Variants in EYS observed in about 807,000 individuals in gnomAD.
EYS encodes the protein EGF-like photoreceptor maintenance factor, also known as protein eyes shut homolog.
In EYS, 250 loss-of-function variants were observed where a neutral mutation model predicts 282.1. The ratio of observed to expected loss-of-function variants is 0.89; its 90% CI spans 0.80 to 0.98. EYS has a LOEUF of 0.98. Among genes scored for constraint, EYS ranks in the 50% least tolerant of loss-of-function variants. The probability of loss-of-function intolerance (pLI) is 0.00; values close to 1 mark genes in which losing one functional copy is unlikely to be tolerated. For synonymous variants in EYS, 1,355 were observed against 1,282.9 expected (o/e 1.06, Z -1.20); for missense variants, 4,016 against 3,709.0 (o/e 1.08, Z -2.15).
chr6:65,633,857 T>C (rs1291909251), intron 2 of EYS, among the ~76,000 whole-genome samples: 2 of 152,222 alleles, frequency 1.3e-5, no homozygotes, highest in Non-Finnish European at 2.9e-5. Flanking sequence ...TATGGCTGTT[T>C]TCCCGCTGCA....
intron 2 of EYS, among the ~76,000 whole-genome samples, chr6:65,516,295 T>A (rs1767132445): frequency 6.6e-6 from 1 of 152,120 alleles, no homozygotes; most frequent in Non-Finnish European, 1.5e-5. Context: ...ATATTTCTCA[T>A]GGAAATCTGT....
At chr6:64,088,688 C>G (rs1313379009) in intron 31 of EYS, among the ~76,000 whole-genome samples, 2 of 151,782 alleles carry the variant, frequency 1.3e-5, no homozygotes, top group Admixed American at 1.3e-4. Context: ...GGGCCACTAT[C>G]AATAACAACT....
chr6:63,784,494 T>C (rs1313806215), intron 39 of EYS, among the ~76,000 whole-genome samples: 1 of 152,176 alleles, frequency 6.6e-6, no homozygotes, highest in African/African-American at 2.4e-5. Context: ...GCTCATGGTT[T>C]CACAGGCCAT....
intron 2 of EYS, among the ~76,000 whole-genome samples, chr6:65,572,667 CA>C (rs1469392759): frequency 6.6e-6 from 1 of 152,076 alleles, no homozygotes; most frequent in African/African-American, 2.4e-5. Context: ...ATGTAGTAGT[CA>C]GTACCATCTC....
At chr6:65,172,108 A>G (rs1170710082) in intron 12 of EYS, among the ~76,000 whole-genome samples, 2 of 151,142 alleles carry the variant, frequency 1.3e-5, no homozygotes, top group Non-Finnish European at 3.0e-5. Context: ...TCCCTCTTAT[A>G]GAGAACTGCA....
chr6:64,460,590 T>C (rs1476954471), intron 26 of EYS, among the ~76,000 whole-genome samples: 1 of 152,252 alleles, frequency 6.6e-6, no homozygotes, highest in South Asian at 2.1e-4. Flanking sequence ...GATAGAATTA[T>C]ACATTCTTTG....
Position 65,046,134 on chromosome 6 carries a change from C to T in EYS, c.2137+11480G>A, listed in dbSNP as rs145854488. On this transcript the variant is annotated intron_variant, in intron 13 of 42. Transcript: ENST00000503581. ...ACCTATTAATTTCTCTTTATTTCCTCAATTCTGGACTACTCCAACTTTTTA... is the reference window on the plus strand; with the variant it reads ...ACCTATTAATTTCTCTTTATTTCCTTAATTCTGGACTACTCCAACTTTTTA... Among the ~76,000 whole-genome samples, 12 of 151,986 alleles carry T rather than the reference C, an allele frequency of 7.9e-5. No individual in the cohort carries two copies. In the East Asian group the frequency reaches 2.3e-3, roughly 30 times the overall value.
At chr6:64,382,546 G>A (rs1055700585) in intron 29 of EYS, among the ~76,000 whole-genome samples, 13 of 152,292 alleles carry the variant, frequency 8.5e-5, no homozygotes, top group African/African-American at 2.4e-4. Flanking sequence ...ACATGTGCAA[G>A]TGTACAGTTT....
intron 2 of EYS, among the ~76,000 whole-genome samples, chr6:65,518,484 C>T (rs1309481520): frequency 6.6e-6 from 1 of 152,056 alleles, no homozygotes; most frequent in Non-Finnish European, 1.5e-5. Context: ...AGGAAATAGA[C>T]ATTTTGAAAT....
chr6:64,063,545 A>T (rs1771255670), intron 33 of EYS, among the ~76,000 whole-genome samples: 1 of 152,144 alleles, frequency 6.6e-6, no homozygotes, highest in African/African-American at 2.4e-5. Flanking sequence ...GTAACCCTCT[A>T]ACTGGCTTCC....
chr6:63,781,845 C>T (rs1770236984), intron 39 of EYS, among the ~76,000 whole-genome samples: 1 of 152,058 alleles, frequency 6.6e-6, no homozygotes, highest in Non-Finnish European at 1.5e-5. Flanking sequence ...AAAGGGGATC[C>T]TTTCAGTTTT....
At chr6:65,540,641 G>A (rs764837940) in intron 2 of EYS, among the ~76,000 whole-genome samples, 48 of 152,200 alleles carry the variant, frequency 3.2e-4, no homozygotes, top group Admixed American at 1.2e-3. Flanking sequence ...AAAGGTGGCC[G>A]GGTGCGGTGG....
intron 28 of EYS, among the ~76,000 whole-genome samples, chr6:64,429,869 AT>A (rs1774523712): frequency 1.3e-5 from 2 of 152,168 alleles, no homozygotes; most frequent in Admixed American, 1.3e-4. Flanking sequence ...TCAATTGTTC[AT>A]TTTTTATTTT....
At chr6:64,135,189 G>A (rs1252279776) in intron 31 of EYS, among the ~76,000 whole-genome samples, 1 of 151,180 alleles carries the variant, frequency 6.6e-6, no homozygotes, top group Non-Finnish European at 1.5e-5. Context: ...GATGCAGAGA[G>A]GGAATTCTCA....
chr6:65,698,749 T>C (rs568693307), intron 1 of EYS, among the ~76,000 whole-genome samples: 2 of 152,306 alleles, frequency 1.3e-5, no homozygotes, highest in East Asian at 1.9e-4. Flanking sequence ...CTTCCTCATA[T>C]ACCTTTCCTT....
Position 65,676,841 on chromosome 6 carries a change from T to A in EYS, c.-448+30294A>T, listed in dbSNP as rs530754926. On this transcript the variant is annotated intron_variant, in intron 1 of 42. Transcript: ENST00000503581. ...CAAACCAAATTCAGTAGTATCTTAA[T>A]AGAATCATATACCATGACCAAGTGG... is the stretch of plus-strand genomic sequence containing the variant. Among the ~76,000 whole-genome samples the A allele has an allele frequency of 1.3e-3, 200 of 151,672 alleles. 1 individual carries two copies. Among genetic ancestry groups the A allele is most frequent in the African/African-American group, 4.6e-3 (192 of 41,420 alleles).
intron 35 of EYS, among the ~76,000 whole-genome samples, chr6:63,923,088 G>A (rs1026161992): frequency 6.6e-6 from 1 of 152,198 alleles, no homozygotes; most frequent in Admixed American, 6.5e-5. Flanking sequence ...TAATGTTTCA[G>A]TCTGAAAGAT....
chr6:65,623,273 C>A (rs1212830141), intron 2 of EYS, among the ~76,000 whole-genome samples: 3 of 152,038 alleles, frequency 2.0e-5, no homozygotes, highest in Non-Finnish European at 2.9e-5. Context: ...CAGGGGACAG[C>A]GAAGTCATCA....
At chr6:63,852,178 A>AT (rs1772274599) in intron 36 of EYS, among the ~76,000 whole-genome samples, 2 of 150,654 alleles carry the variant, frequency 1.3e-5, no homozygotes, top group African/African-American at 4.9e-5. Flanking sequence ...AAAAAAAAAA[A>AT]AAAAATCAAT....
Sources: gnomAD v4.1 joint callset for allele counts (sites outside exome capture counted in the v4.1 genomes callset) on GRCh38, gnomAD v4.1.1 for gene constraint, MANE v1.5 for transcripts, NCBI Gene and HGNC (gene_info 2026-07-23, HGNC 2026-07-21) for gene names.